The following PRDM2 variants were observed in gnomAD, a reference collection of about 807,000 sequenced individuals.
The protein encoded by PRDM2 is PR/SET domain 2.
In PRDM2, 30 loss-of-function variants were observed where a neutral mutation model predicts 130.0. The observed-to-expected ratio is 0.23, with a 90% confidence interval of 0.17 to 0.31. PRDM2 has a LOEUF of 0.31. Ranked by LOEUF, PRDM2 falls within the 10% of genes least tolerant of loss-of-function variation. The pLI, the probability that PRDM2 is intolerant of heterozygous loss-of-function variation, is 1.00. For missense variants in PRDM2, 2,011 were observed against 2,108.4 expected, an observed-to-expected ratio of 0.95 and a Z score of 0.90; for synonymous variants, 871 against 782.4, an observed-to-expected ratio of 1.11 and a Z score of -1.89.
chr1:13,781,190 A>G lies in PRDM2; in HGVS notation c.3395A>G (p.Lys1132Arg), dbSNP rs370180222. The G allele has an allele frequency of 6.2e-7, 1 of 1,614,122 alleles. No individual in the cohort carries two copies. The highest frequency in any genetic ancestry group is 1.7e-5 in the Admixed American group (1 of 60,006). The change falls in exon 8 of 10, where the codon AAA becomes AGA. Residue 1132 changes from lysine to arginine, a missense_variant. Transcript: ENST00000311066. This position sits in a 1 kb window ranked among gnomAD's most constrained non-coding sequence, Gnocchi z 6.1. ...GTTGTTGTTCAGGAAACATTCAACA[A>G]AAACTTTGTTTGCAACGTCTGTGAA... is the stretch of plus-strand genomic sequence containing the variant. ...QDVVVQETFN[K>R]NFVCNVCESP... is the part of the protein sequence containing the mutation.
At chr1:13,738,212 T>C (rs761448476) in intron 4 of PRDM2, among the ~76,000 whole-genome samples, 15 of 152,228 alleles carry the variant, frequency 9.9e-5, no homozygotes, top group Non-Finnish European at 1.8e-4. Flanking sequence ...TTCAGTCTTC[T>C]TCCTGTTAGC....
chr1:13,738,394 ATAAAT>A (rs1643335504), intron 4 of PRDM2, among the ~76,000 whole-genome samples: 1 of 152,216 alleles, frequency 6.6e-6, no homozygotes, highest in Non-Finnish European at 1.5e-5. Flanking sequence ...AAGAGTGAAA[ATAAAT>A]TATTTGTCCA....
chr1:13,774,856 A>G (rs940387148), intron 7 of PRDM2, among the ~76,000 whole-genome samples: 4 of 151,870 alleles, frequency 2.6e-5, no homozygotes, highest in Admixed American at 1.3e-4. Context: ...GGGCGCCTGT[A>G]GTCCGGGAGG....
chr1:13,746,413 C>G (rs1198923210), intron 5 of PRDM2, among the ~76,000 whole-genome samples: 1 of 151,720 alleles, frequency 6.6e-6, no homozygotes, highest in Non-Finnish European at 1.5e-5. Flanking sequence ...TATTTTTCCT[C>G]TTCATAGGGT....
chr1:13,720,654 A>C (rs545643157), intron 2 of PRDM2, among the ~76,000 whole-genome samples: 1 of 152,212 alleles, frequency 6.6e-6, no homozygotes, highest in Non-Finnish European at 1.5e-5. Context: ...ACCGTGTTTC[A>C]TATATGTCAG....
intron 6 of PRDM2, among the ~76,000 whole-genome samples, chr1:13,765,477 T>C (rs114229674): frequency 0.046 from 6,963 of 152,144 alleles, 287 homozygotes; most frequent in Non-Finnish European, 0.063. Flanking sequence ...CTTTTGTTTT[T>C]TTTTTTGAGA....
intron 8 of PRDM2, among the ~76,000 whole-genome samples, chr1:13,790,971 A>G (rs751878723): frequency 6.6e-6 from 1 of 152,166 alleles, no homozygotes; most frequent in Non-Finnish European, 1.5e-5. Flanking sequence ...CTTGGCAATG[A>G]CAGCCTGAGG....
At chr1:13,737,602 A>G (rs1643310350) in intron 4 of PRDM2, among the ~76,000 whole-genome samples, 1 of 152,176 alleles carries the variant, frequency 6.6e-6, no homozygotes, top group African/African-American at 2.4e-5. Flanking sequence ...TTTTGAATGA[A>G]GTAATTAAAG....
intron 8 of PRDM2, among the ~76,000 whole-genome samples, chr1:13,796,682 G>A (rs1644928216): frequency 6.6e-6 from 1 of 152,152 alleles, no homozygotes; most frequent in Non-Finnish European, 1.5e-5. Flanking sequence ...AGCCCAGGAA[G>A]CCAAGGCCGC....
intron 2 of PRDM2, among the ~76,000 whole-genome samples, chr1:13,716,567 G>A (rs771269981): frequency 1.0e-3 from 157 of 152,266 alleles, no homozygotes; most frequent in Non-Finnish European, 1.5e-3. Flanking sequence ...AAAAACAAGA[G>A]GGCAAATATT....
At chr1:13,751,400 G>A (rs1445264730) in intron 6 of PRDM2, among the ~76,000 whole-genome samples, 1 of 152,118 alleles carries the variant, frequency 6.6e-6, no homozygotes, top group African/African-American at 2.4e-5. Flanking sequence ...ACTGGTTAAA[G>A]AGACCTATTT....
Position 13,801,448 on chromosome 1 carries a change from G to C in PRDM2, c.5037-14979G>C, listed in dbSNP as rs1385372405. Among the ~76,000 whole-genome samples the C allele has an allele frequency of 2.6e-5, 4 of 152,194 alleles. No individual in the cohort carries two copies. In the East Asian group the frequency reaches 5.8e-4, roughly 22 times the overall value. On this transcript the variant is annotated intron_variant, in intron 8 of 9. Coordinates refer to ENST00000311066, the MANE Select transcript of PRDM2 (RefSeq NM_001393986.1). ...TACACTGCCTGTCAGCACATGAAAG[G>C]CTCAGAAATTGTGCAGAGACACGCC... is the stretch of plus-strand genomic sequence containing the variant.
intron 7 of PRDM2, among the ~76,000 whole-genome samples, chr1:13,777,150 G>A (rs184626333): frequency 3.9e-5 from 6 of 152,124 alleles, no homozygotes; most frequent in East Asian, 3.9e-4. Context: ...TTGCAGTTGC[G>A]TGGAATCTCC....
At chr1:13,754,318 C>G (rs1344359245) in intron 6 of PRDM2, among the ~76,000 whole-genome samples, 2 of 152,144 alleles carry the variant, frequency 1.3e-5, no homozygotes, top group African/African-American at 4.8e-5. Context: ...AGGCAGCATC[C>G]TCCTCCAGTG....
intron 2 of PRDM2, 39 bp from the exon 3 acceptor site, chr1:13,730,961 C>G: frequency 5.4e-6 from 7 of 1,307,200 alleles, no homozygotes; most frequent in Non-Finnish European, 6.2e-6. Flanking sequence ...TTTGAGTTTT[C>G]TTTCTTTTGC....
At position 13,822,802 on chromosome 1, in the gene PRDM2, CAGG is replaced by C. The variant is rs940567288; in HGVS notation, c.*24-351_*24-349del. Among the ~76,000 whole-genome samples, 4 of 152,058 alleles carry C rather than the reference CAGG, an allele frequency of 2.6e-5. No homozygotes were observed. In the East Asian group the frequency reaches 5.8e-4, roughly 22 times the overall value. Reference sequence around the variant, plus strand: ...AACACTCGGTGGAAAAAGCCAGACGCAGGAGGAGATTACTGATTGACCCTATTT... The same window carrying C: ...AACACTCGGTGGAAAAAGCCAGACGCAGGAGATTACTGATTGACCCTATTT... On this transcript the variant is annotated intron_variant, in intron 9 of 9. Transcript: ENST00000311066.
intron 6 of PRDM2, chr1:13,772,057 A>G (rs571991578): frequency 1.6e-4 from 25 of 152,368 alleles, no homozygotes; most frequent in African/African-American, 5.8e-4. Flanking sequence ...GATTTTACTA[A>G]TGCAGAGATA....
chr1:13,768,267 C>T (rs1242542636), intron 6 of PRDM2, among the ~76,000 whole-genome samples: 1 of 151,012 alleles, frequency 6.6e-6, no homozygotes, highest in Admixed American at 6.6e-5. Flanking sequence ...ATGTTTTTAG[C>T]AGAGACGGGG....
chr1:13,702,520 TAAG>T (rs768590832), intron 1 of PRDM2, among the ~76,000 whole-genome samples: 7 of 152,348 alleles, frequency 4.6e-5, no homozygotes, highest in Non-Finnish European at 1.0e-4. Flanking sequence ...GGTGCAGTCA[TAAG>T]AAGTAACACT....
Sources: allele counts gnomAD v4.1 joint callset (sites outside exome capture counted in the v4.1 genomes callset), GRCh38; gene constraint gnomAD v4.1.1; non-coding constraint Gnocchi (gnomAD v3.1); transcripts MANE v1.5; gene names NCBI Gene and HGNC (gene_info 2026-07-23, HGNC 2026-07-21).